Variants in TCF7L2 observed in about 807,000 individuals in gnomAD.
TCF7L2 encodes the protein transcription factor 7-like 2.
In TCF7L2, 23 loss-of-function variants were observed where a neutral mutation model predicts 77.9. That is an observed-to-expected ratio of 0.30 (90% CI 0.21 to 0.42). The LOEUF is 0.42. TCF7L2 is among the 10% of genes least tolerant of loss of function. TCF7L2 has a pLI of 1.00. For synonymous variants in TCF7L2, 413 were observed against 340.2 expected, an observed-to-expected ratio of 1.21 and a Z score of -2.36; for missense variants, 654 against 793.1, an observed-to-expected ratio of 0.82 and a Z score of 2.11.
intron 5 of TCF7L2, among the ~76,000 whole-genome samples, chr10:113,049,717 C>T (rs927499598): frequency 6.6e-6 from 1 of 152,172 alleles, no homozygotes; most frequent in African/African-American, 2.4e-5. Context: ...TAAATTTTAT[C>T]TCTGGAAAGA....
intron 5 of TCF7L2, among the ~76,000 whole-genome samples, chr10:113,104,182 G>A (rs989157844): frequency 3.9e-5 from 6 of 152,134 alleles, no homozygotes; most frequent in South Asian, 2.1e-4. Context: ...CCTAATCCTC[G>A]TGGGAGCTTG....
chr10:113,069,723 T>C (rs897152293), intron 5 of TCF7L2, among the ~76,000 whole-genome samples: 4 of 152,184 alleles, frequency 2.6e-5, no homozygotes, highest in African/African-American at 9.6e-5. Flanking sequence ...AGTGTATTCA[T>C]TGAGGGCCCC....
At chr10:113,143,481 A>G (rs1256077686) in intron 6 of TCF7L2, among the ~76,000 whole-genome samples, 2 of 152,232 alleles carry the variant, frequency 1.3e-5, no homozygotes, top group African/African-American at 4.8e-5. Context: ...CCACAGCTCA[A>G]AAAGTGTGTT....
chr10:113,078,560 T>G (rs1253499623), intron 5 of TCF7L2, among the ~76,000 whole-genome samples: 1 of 152,044 alleles, frequency 6.6e-6, no homozygotes, highest in Non-Finnish European at 1.5e-5. Flanking sequence ...AAATTTTTTT[T>G]GCAGAGATGG....
chr10:113,103,624 A>G (rs2061921792), intron 5 of TCF7L2, among the ~76,000 whole-genome samples: 1 of 152,162 alleles, frequency 6.6e-6, no homozygotes, highest in Non-Finnish European at 1.5e-5. Flanking sequence ...TCAAATGTGA[A>G]TGGTGGTTGC....
intron 4 of TCF7L2, among the ~76,000 whole-genome samples, chr10:113,037,475 G>A (rs2051524984): frequency 6.6e-6 from 1 of 152,188 alleles, no homozygotes; most frequent in South Asian, 2.1e-4. Flanking sequence ...ATCCTGGGCT[G>A]CCCTAACATA....
intron 4 of TCF7L2, among the ~76,000 whole-genome samples, chr10:113,008,525 T>C (rs1238855836): frequency 6.6e-6 from 1 of 152,212 alleles, no homozygotes; most frequent in Admixed American, 6.5e-5. Flanking sequence ...GCCTTCATGG[T>C]TTTTGGCATA....
chr10:113,016,944 G>A (rs1044399187), intron 4 of TCF7L2, among the ~76,000 whole-genome samples: 2 of 152,080 alleles, frequency 1.3e-5, no homozygotes, highest in Admixed American at 6.5e-5. Flanking sequence ...CTCTCTGCCC[G>A]GAGGCTCAGA....
At chr10:112,984,266 T>C (rs2041055731) in intron 4 of TCF7L2, among the ~76,000 whole-genome samples, 3 of 152,110 alleles carry the variant, frequency 2.0e-5, no homozygotes, top group Non-Finnish European at 4.4e-5. Context: ...TTCAGAAGAC[T>C]TGTGTTTCAG....
At chr10:113,062,689 T>TTCGG (rs1231986744) in intron 5 of TCF7L2, among the ~76,000 whole-genome samples, 1 of 152,156 alleles carries the variant, frequency 6.6e-6, no homozygotes, top group Admixed American at 6.5e-5. Flanking sequence ...CTAGGTAAAA[T>TTCGG]TCGGTCCAAT....
chr10:113,105,008 A>G (rs572382304), intron 5 of TCF7L2, among the ~76,000 whole-genome samples: 48 of 152,322 alleles, frequency 3.2e-4, no homozygotes, highest in African/African-American at 1.1e-3. Context: ...TTGTGACAAT[A>G]ACTGTTGCAA....
chr10:113,106,588 G>A (rs1198106731), intron 5 of TCF7L2, among the ~76,000 whole-genome samples: 2 of 152,152 alleles, frequency 1.3e-5, no homozygotes, highest in Admixed American at 1.3e-4. Context: ...CAGGAGGCTC[G>A]TGATGGTGAT....
intron 11 of TCF7L2, among the ~76,000 whole-genome samples, chr10:113,157,370 C>T (rs1018480467): frequency 2.6e-5 from 4 of 152,198 alleles, no homozygotes; most frequent in East Asian, 1.9e-4. Context: ...CTCCCACCTC[C>T]GCCCCTCAGA....
rs146445861 is a variant in TCF7L2, at chr10:113,067,374, G to T, written c.552+27248G>T. On this transcript the variant is annotated intron_variant, in intron 5 of 13. Coordinates refer to ENST00000627217, the MANE Select transcript of TCF7L2 (RefSeq NM_001146274.2). Reference sequence around the variant, plus strand: ...TTTCAAATGCTTGGACTGCAGCACAGAATTGACTAATGTCAGATTAATTGA... The same window carrying T: ...TTTCAAATGCTTGGACTGCAGCACATAATTGACTAATGTCAGATTAATTGA... Among the ~76,000 whole-genome samples the T allele has an allele frequency of 3.5e-3, 538 of 152,306 alleles. 5 individuals are homozygous for T. Among genetic ancestry groups the T allele is most frequent in the African/African-American group, 0.011 (452 of 41,576 alleles).
intron 5 of TCF7L2, among the ~76,000 whole-genome samples, chr10:113,069,905 T>C (rs1455588780): frequency 1.3e-5 from 2 of 151,976 alleles, no homozygotes; most frequent in African/African-American, 4.8e-5. Context: ...TCCCACTGGA[T>C]CACATGGCTG....
chr10:113,008,389 T>G (rs577608606), intron 4 of TCF7L2, among the ~76,000 whole-genome samples: 32 of 152,028 alleles, frequency 2.1e-4, no homozygotes, highest in Non-Finnish European at 3.8e-4. Flanking sequence ...CCTGTCTCTC[T>G]GCGTAGCGGC....
chr10:112,964,461 C>A, intron 3 of TCF7L2, 95 bp from the exon 4 acceptor site: 1 of 1,116,656 alleles, frequency 9.0e-7, no homozygotes, highest in Non-Finnish European at 1.4e-6. Flanking sequence ...GCAGTTCAAT[C>A]TAGGAAGGTT....
chr10:113,076,890 C>A (rs2058751721), intron 5 of TCF7L2, among the ~76,000 whole-genome samples: 1 of 152,190 alleles, frequency 6.6e-6, no homozygotes, highest in Admixed American at 6.5e-5. Flanking sequence ...GGTGACTCTT[C>A]CCCCTCCCCT....
intron 4 of TCF7L2, among the ~76,000 whole-genome samples, chr10:113,029,833 CATCCCCTTTTATCTCTTA>C (rs1344592337): frequency 2.0e-5 from 3 of 152,080 alleles, no homozygotes; most frequent in Admixed American, 1.3e-4. Flanking sequence ...CAAGCCTCCC[CATCCCCTTTTATCTCTTA>C]AATGAATGTG....
Sources: allele counts gnomAD v4.1 joint callset (sites outside exome capture counted in the v4.1 genomes callset), GRCh38; gene constraint gnomAD v4.1.1; transcripts MANE v1.5; gene names NCBI Gene and HGNC (gene_info 2026-07-23, HGNC 2026-07-21).